The following CSNK1G1 variants were observed in gnomAD, a reference collection of about 807,000 sequenced individuals.
The protein encoded by CSNK1G1 is casein kinase I isoform gamma-1.
In CSNK1G1, 22 loss-of-function variants were observed where a neutral mutation model predicts 59.6. That is an observed-to-expected ratio of 0.37 (90% CI 0.26 to 0.53). The LOEUF (loss-of-function observed/expected upper bound fraction) is 0.53. CSNK1G1 is among the 20% of genes least tolerant of loss of function. The pLI is 0.89. For synonymous variants in CSNK1G1, 179 were observed against 177.1 expected (o/e 1.01, Z -0.08); for missense variants, 384 against 519.5 (o/e 0.74, Z 2.54).
rs1303159694 is a variant in CSNK1G1 at position 64,165,961 on chromosome 15, C to G, written c.*5970G>C. 1 of 652,368 alleles carries G rather than the reference C, an allele frequency of 1.5e-6. No homozygotes were observed. Among genetic ancestry groups the G allele is most frequent in the Non-Finnish European group, 2.7e-6 (1 of 367,080 alleles). 40.4% of individuals were successfully genotyped at this position (652,368 alleles called of 1,614,324 possible). On this transcript the variant is annotated 3_prime_UTR_variant, in exon 12 of 12. Transcript: ENST00000303052. ...TTTTCCTAATGGTGCACAAATATCT[C>G]TCCTGGAGGAACCATTTCAAATACA...
At chr15:64,222,431 CACCACCAAAAA>C (rs2082400641) in intron 4 of CSNK1G1, among the ~76,000 whole-genome samples, 1 of 66,738 alleles carries the variant, frequency 1.5e-5, no homozygotes, top group African/African-American at 7.8e-5. Flanking sequence ...ACAACAACAA[CACCACCAAAAA>C]AAAAAAAAAA....
intron 10 of CSNK1G1, among the ~76,000 whole-genome samples, chr15:64,187,098 G>C (rs1259014260): frequency 6.6e-6 from 1 of 152,092 alleles, no homozygotes; most frequent in Non-Finnish European, 1.5e-5. Context: ...TGGGATTATA[G>C]GTGCGAGCCA....
At position 64,231,346 on chromosome 15, in the gene CSNK1G1, ATATATT is replaced by A. The variant is rs1182367419; in HGVS notation, c.293-14639_293-14634del. On this transcript the variant is annotated intron_variant, in intron 4 of 11. Transcript: ENST00000303052. ...ATCTCCAAATATATATATATTATAT[ATATATT>A]TATATTTTATATTTATATAAACATA... is the stretch of plus-strand genomic sequence containing the variant. 2.0e-5 allele frequency among the ~76,000 whole-genome samples: 3 copies of A among 147,420 alleles called. No homozygotes were observed. The East Asian group carries it at 5.8e-4, about 29-fold the overall frequency.
chr15:64,312,655 G>C (rs1193381169), intron 1 of CSNK1G1, among the ~76,000 whole-genome samples: 1 of 152,140 alleles, frequency 6.6e-6, no homozygotes, highest in African/African-American at 2.4e-5. Flanking sequence ...AAAAATCCTA[G>C]ATAAAAACCC....
intron 1 of CSNK1G1, among the ~76,000 whole-genome samples, chr15:64,311,995 C>A (rs1160920522): frequency 6.6e-6 from 1 of 152,188 alleles, no homozygotes; most frequent in East Asian, 1.9e-4. Context: ...CATGAGTAAA[C>A]TCCCATTTAC....
At position 64,168,889 on chromosome 15, in the gene CSNK1G1, T is replaced by C. The variant is rs540685794; in HGVS notation, c.*3042A>G. 1 of 152,520 alleles carries C rather than the reference T, an allele frequency of 6.6e-6. No individual in the cohort carries two copies. The highest frequency in any genetic ancestry group is 1.9e-4 in the East Asian group (1 of 5,182). 9.4% of individuals were successfully genotyped at this position (152,520 alleles called of 1,614,324 possible). A position where few individuals can be genotyped will look rare whatever the true frequency, so the allele number is the denominator to read the frequency against. ...TCCCAGGTCTGGGACCACTTTGAAGTGCCAATGGCTCTGGAGGGATCACCA... is the reference window on the plus strand; with the variant it reads ...TCCCAGGTCTGGGACCACTTTGAAGCGCCAATGGCTCTGGAGGGATCACCA... On this transcript the variant is annotated 3_prime_UTR_variant, in exon 12 of 12. Coordinates refer to ENST00000303052, the MANE Select transcript of CSNK1G1 (RefSeq NM_022048.5).
intron 2 of CSNK1G1, among the ~76,000 whole-genome samples, chr15:64,278,013 G>T (rs1057097275): frequency 4.2e-5 from 6 of 143,414 alleles, no homozygotes; most frequent in Non-Finnish European, 6.0e-5. Flanking sequence ...TGATATATTT[G>T]AATAATATAT....
In CSNK1G1 at chr15:64,188,322, TTC is replaced by T; in HGVS notation, c.1108-7870_1108-7869del. 3 of 1,376,658 alleles carry T rather than the reference TTC, an allele frequency of 2.2e-6. No individual in the cohort carries two copies. The highest frequency in any genetic ancestry group is 3.0e-6 in the Non-Finnish European group (3 of 1,008,972). 85.3% of individuals were successfully genotyped at this position (1,376,658 alleles called of 1,614,324 possible). On this transcript the variant is annotated intron_variant, in intron 10 of 11. Coordinates refer to ENST00000303052, the MANE Select transcript of CSNK1G1 (RefSeq NM_022048.5). The surrounding 1 kb of genome is among the most constrained non-coding windows in gnomAD (Gnocchi z 4.2). ...CCGAAGGTTCAGAAGCAAGCCAACATTCCACCAGCCAAGCTGGAAAGGCCAGG... is the reference window on the plus strand; with the variant it reads ...CCGAAGGTTCAGAAGCAAGCCAACATCACCAGCCAAGCTGGAAAGGCCAGG...
intron 6 of CSNK1G1, among the ~76,000 whole-genome samples, chr15:64,211,298 T>G (rs1046816365): frequency 5.9e-5 from 9 of 152,172 alleles, no homozygotes; most frequent in Non-Finnish European, 4.4e-5. Flanking sequence ...CACAAAAAAA[T>G]GCAACACATT....
At position 64,166,111 on chromosome 15, in the gene CSNK1G1, T is replaced by C. The variant is rs1048967671; in HGVS notation, c.*5820A>G. ...AAAAAAAAAAGTAAAAAAAGAGGCA[T>C]TTAACAATAATCAGACACATCCACA... On this transcript the variant is annotated 3_prime_UTR_variant, in exon 12 of 12. Transcript: ENST00000303052. The surrounding 1 kb of genome is among the most constrained non-coding windows in gnomAD (Gnocchi z 4.5). 3.3e-6 allele frequency: 2 copies of C among 604,522 alleles called. No individual in the cohort carries two copies. Among genetic ancestry groups the C allele is most frequent in the Non-Finnish European group, 5.8e-6 (2 of 341,964 alleles). The allele number at this position is 604,522 out of a possible 1,614,324, so 37.4% of individuals were successfully genotyped here.
intron 4 of CSNK1G1, among the ~76,000 whole-genome samples, chr15:64,241,640 A>G (rs1415309903): frequency 6.6e-6 from 1 of 152,240 alleles, no homozygotes; most frequent in Non-Finnish European, 1.5e-5. Flanking sequence ...CCAGAGATCA[A>G]TAACAAGAGG....
chr15:64,250,689 G>A (rs1892026827), intron 4 of CSNK1G1, among the ~76,000 whole-genome samples: 1 of 152,130 alleles, frequency 6.6e-6, no homozygotes, highest in African/African-American at 2.4e-5. Flanking sequence ...AGGCTGCAGT[G>A]AGCCGTGATC....
At chr15:64,257,524 A>G (rs1335425352) in intron 3 of CSNK1G1, among the ~76,000 whole-genome samples, 1 of 152,100 alleles carries the variant, frequency 6.6e-6, no homozygotes, top group Non-Finnish European at 1.5e-5. Context: ...AATATGGTTA[A>G]TATTATTTTT....
Position 64,248,376 on chromosome 15 carries a change from A to G in CSNK1G1, c.292+3136T>C, listed in dbSNP as rs150730913. Among the ~76,000 whole-genome samples, 23 of 152,320 alleles carry G rather than the reference A, an allele frequency of 1.5e-4. No individual in the cohort carries two copies. The Middle Eastern group carries it at 0.01, about 68-fold the overall frequency. On this transcript the variant is annotated intron_variant, in intron 4 of 11. Transcript: ENST00000303052. ...CATCACAAGGAATATTTTTATTAAT[A>G]ACATTGGTAAAAATCTAAAAAGGCA... is the stretch of plus-strand genomic sequence containing the variant.
intron 3 of CSNK1G1, among the ~76,000 whole-genome samples, chr15:64,256,535 T>G (rs62021606): frequency 0.13 from 19,447 of 152,150 alleles, 2,164 homozygotes; most frequent in African/African-American, 0.31. Context: ...GGCTTCAAGG[T>G]GCTTTTCTGG....
intron 2 of CSNK1G1, among the ~76,000 whole-genome samples, chr15:64,299,107 C>G (rs1895180663): frequency 6.6e-6 from 1 of 152,068 alleles, no homozygotes; most frequent in Admixed American, 6.6e-5. Context: ...CCACCACTCC[C>G]CCCAAAGGGC....
intron 7 of CSNK1G1, among the ~76,000 whole-genome samples, chr15:64,206,586 CAAAAAAAAAAAAAAAAAAAA>C (rs36192246): frequency 1.4e-4 from 7 of 49,672 alleles, no homozygotes; most frequent in African/African-American, 5.3e-4. Context: ...AACTCTGTCT[CAAAAAAAAAAAAAAAAAAAA>C]AAAAAAAAAA....
intron 1 of CSNK1G1, among the ~76,000 whole-genome samples, chr15:64,304,043 T>A (rs1027940581): frequency 2.0e-5 from 3 of 151,966 alleles, no homozygotes; most frequent in Admixed American, 6.6e-5. Context: ...AAAGGTGCTG[T>A]GTCAATTTTC....
chr15:64,259,519 C>T (rs888461788), intron 2 of CSNK1G1, among the ~76,000 whole-genome samples: 2 of 148,862 alleles, frequency 1.3e-5, no homozygotes, highest in Admixed American at 1.3e-4. Flanking sequence ...CACACACACA[C>T]ACACATGCAT....
Sources: gnomAD v4.1 joint callset for allele counts (sites outside exome capture counted in the v4.1 genomes callset) on GRCh38, gnomAD v4.1.1 for gene constraint, Gnocchi (gnomAD v3.1) non-coding constraint, MANE v1.5 for transcripts, NCBI Gene and HGNC (gene_info 2026-07-23, HGNC 2026-07-21) for gene names.